SND1: variants seen among roughly 807,000 people sequenced by gnomAD.
SND1 encodes the protein staphylococcal nuclease and tudor domain containing 1, also known as staphylococcal nuclease domain-containing protein 1.
A neutral mutation model predicts 121.7 loss-of-function variants in SND1; 38 were observed. The observed-to-expected ratio is 0.31, with a 90% CI of 0.24 to 0.41. The LOEUF (loss-of-function observed/expected upper bound fraction) is 0.41, where lower values mean the gene tolerates loss of function less well. Among genes scored for constraint, SND1 ranks in the 10% least tolerant of loss-of-function variants. SND1 has a pLI of 1.00. For synonymous variants in SND1, 401 were observed against 447.4 expected, an observed-to-expected ratio of 0.90 and a Z score of 1.31; for missense variants, 868 against 1,184.6, an observed-to-expected ratio of 0.73 and a Z score of 3.92.
At position 128,029,321 on chromosome 7, in the gene SND1, A is replaced by T. The variant is rs1424008412; in HGVS notation, c.1779+38265A>T. 1 of 1,614,172 alleles carries T rather than the reference A, an allele frequency of 6.2e-7. No individual in the cohort carries two copies. Among genetic ancestry groups the T allele is most frequent in the Non-Finnish European group, 8.5e-7 (1 of 1,180,034 alleles). ...AGGTGTTAAGCTCAGCCGTGCTCAC[A>T]TTGAGGTAGGCCGAGGCGTTGGAGT... On this transcript the variant is annotated intron_variant, in intron 16 of 23. Transcript: ENST00000354725. The surrounding 1 kb of genome is among the most constrained non-coding windows in gnomAD (Gnocchi z 4.2).
At chr7:127,928,981 G>T (rs1490978881) in intron 14 of SND1, among the ~76,000 whole-genome samples, 1 of 152,184 alleles carries the variant, frequency 6.6e-6, no homozygotes, top group Admixed American at 6.5e-5. Context: ...TTTTAACTGA[G>T]TATTTAAGTT....
At chr7:128,042,790 C>G (rs1347467893) in intron 16 of SND1, among the ~76,000 whole-genome samples, 1 of 152,200 alleles carries the variant, frequency 6.6e-6, no homozygotes, top group African/African-American at 2.4e-5. Flanking sequence ...GATGGGAGAC[C>G]AGGCCTGTCA....
intron 1 of SND1, among the ~76,000 whole-genome samples, chr7:127,662,127 AT>A (rs1384933281): frequency 2.0e-5 from 3 of 151,052 alleles, no homozygotes; most frequent in South Asian, 2.1e-4. Context: ...AAAAAAAAAA[AT>A]CTCTCTCTCT....
At chr7:127,766,638 G>C (rs916013564) in intron 10 of SND1, among the ~76,000 whole-genome samples, 2 of 151,562 alleles carry the variant, frequency 1.3e-5, no homozygotes, top group Admixed American at 6.6e-5. Context: ...AGCCGGGCGT[G>C]GTGGCGGGCA....
At chr7:127,996,336 G>A (rs568541388) in intron 16 of SND1, among the ~76,000 whole-genome samples, 6 of 152,176 alleles carry the variant, frequency 3.9e-5, no homozygotes, top group Non-Finnish European at 8.8e-5. Flanking sequence ...CTCCAAGTGT[G>A]CTGTATCGTG....
intron 10 of SND1, among the ~76,000 whole-genome samples, chr7:127,802,182 T>A (rs1798144962): frequency 6.6e-6 from 1 of 152,076 alleles, no homozygotes; most frequent in Admixed American, 6.5e-5. Context: ...CAACTACTAA[T>A]TGCCTACTGT....
At chr7:127,918,219 C>T (rs1447601895) in intron 14 of SND1, among the ~76,000 whole-genome samples, 3 of 151,618 alleles carry the variant, frequency 2.0e-5, no homozygotes, top group Admixed American at 1.3e-4. Context: ...CCACCATAGC[C>T]GGCTAATTTT....
intron 15 of SND1, among the ~76,000 whole-genome samples, chr7:127,983,436 C>G (rs1207958379): frequency 1.3e-5 from 2 of 152,094 alleles, no homozygotes; most frequent in African/African-American, 4.8e-5. Flanking sequence ...AGCATTCCTG[C>G]CTGGGGTCTT....
At chr7:127,778,991 C>A (rs960500904) in intron 10 of SND1, among the ~76,000 whole-genome samples, 2 of 152,156 alleles carry the variant, frequency 1.3e-5, no homozygotes, top group Non-Finnish European at 2.9e-5. Flanking sequence ...TCTTAAGTGT[C>A]ATTTTAAGTT....
At chr7:127,719,412 T>C (rs577490060) in intron 9 of SND1, among the ~76,000 whole-genome samples, 4 of 152,344 alleles carry the variant, frequency 2.6e-5, no homozygotes, top group African/African-American at 9.6e-5. Flanking sequence ...AATATGTTTT[T>C]GTGATTGGGC....
At chr7:127,673,136 TATATATG>T (rs1198495159) in intron 1 of SND1, among the ~76,000 whole-genome samples, 3 of 148,278 alleles carry the variant, frequency 2.0e-5, no homozygotes, top group African/African-American at 4.9e-5. Flanking sequence ...TATATTCTAT[TATATATG>T]ATATATGATA....
chr7:128,068,989 C>G (rs922348398), intron 16 of SND1, among the ~76,000 whole-genome samples: 2 of 152,254 alleles, frequency 1.3e-5, no homozygotes. Flanking sequence ...GGTCCAGCGT[C>G]GAGCTGCTCT....
At chr7:127,721,422 C>T (rs372588317) in intron 10 of SND1, 22 bp downstream of exon 10, 30 of 1,414,560 alleles carry the variant, frequency 2.1e-5, no homozygotes, top group African/African-American at 1.1e-4. Flanking sequence ...GAAGCAGCCG[C>T]GCCTCTTTGC....
chr7:127,799,691 A>G (rs1584582245), intron 10 of SND1, among the ~76,000 whole-genome samples: 2 of 152,224 alleles, frequency 1.3e-5, no homozygotes, highest in East Asian at 3.8e-4. Flanking sequence ...CCTGGAAGAT[A>G]TGCTAAATGT....
chr7:127,796,002 C>T (rs1046103902), intron 10 of SND1, among the ~76,000 whole-genome samples: 16 of 151,988 alleles, frequency 1.1e-4, no homozygotes, highest in Non-Finnish European at 2.2e-4. Flanking sequence ...GGACTACGGG[C>T]GCCCATCACC....
At chr7:127,785,191 A>C (rs1226735517) in intron 10 of SND1, among the ~76,000 whole-genome samples, 1 of 152,160 alleles carries the variant, frequency 6.6e-6, no homozygotes, top group African/African-American at 2.4e-5. Context: ...TTATAGGAGT[A>C]AGCCACCATG....
intron 10 of SND1, among the ~76,000 whole-genome samples, chr7:127,731,156 G>C (rs561248807): frequency 6.6e-6 from 1 of 152,216 alleles, no homozygotes; most frequent in East Asian, 1.9e-4. Flanking sequence ...AGGCATGGTC[G>C]CCATGGGTGG....
At chr7:127,903,629 C>T (rs1015218064) in intron 13 of SND1, among the ~76,000 whole-genome samples, 1 of 152,130 alleles carries the variant, frequency 6.6e-6, no homozygotes, top group Non-Finnish European at 1.5e-5. Flanking sequence ...AGAAATAAGA[C>T]TATTCTACCT....
At chr7:128,089,028 G>C (rs1793731670) in intron 21 of SND1, among the ~76,000 whole-genome samples, 1 of 152,120 alleles carries the variant, frequency 6.6e-6, no homozygotes, top group Non-Finnish European at 1.5e-5. Context: ...TGCCTCACTA[G>C]GGTTCTTTCT....
Sources: allele counts gnomAD v4.1 joint callset (sites outside exome capture counted in the v4.1 genomes callset), GRCh38; gene constraint gnomAD v4.1.1; non-coding constraint Gnocchi (gnomAD v3.1); transcripts MANE v1.5; gene names NCBI Gene and HGNC (gene_info 2026-07-23, HGNC 2026-07-21).